The following PCDHGB3 variants were observed in gnomAD, a reference collection of about 807,000 sequenced individuals.
PCDHGB3 encodes the protein protocadherin gamma-B3.
In PCDHGB3, 40 loss-of-function variants were observed where a neutral mutation model predicts 59.2. The ratio of observed to expected loss-of-function variants is 0.68; its 90% CI spans 0.52 to 0.88. The LOEUF (loss-of-function observed/expected upper bound fraction) is 0.88. PCDHGB3 is among the 40% of genes least tolerant of loss of function. The pLI is 0.00. For missense variants in PCDHGB3, 1,309 were observed against 1,187.9 expected (o/e 1.10, Z -1.50); for synonymous variants, 581 against 503.6 (o/e 1.15, Z -2.06).
intron 1 of PCDHGB3, among the ~76,000 whole-genome samples, chr5:141,465,119 A>T (rs2099097382): frequency 6.6e-6 from 1 of 151,780 alleles, no homozygotes; most frequent in Non-Finnish European, 1.5e-5. Flanking sequence ...GTTTTAGCCT[A>T]AATTTGTAAA....
At chr5:141,415,688 T>A (rs373105795) in intron 1 of PCDHGB3, 395 of 1,545,880 alleles carry the variant, frequency 2.6e-4, no homozygotes, top group Non-Finnish European at 3.3e-4. Context: ...GGCATGATGG[T>A]GGAAAGTGTA....
At chr5:141,423,424 T>C in intron 1 of PCDHGB3, 1 of 1,614,004 alleles carries the variant, frequency 6.2e-7, no homozygotes, top group Non-Finnish European at 8.5e-7. Flanking sequence ...TGAAGGCGGG[T>C]TGGCAGGTAT....
chr5:141,430,619 A>G lies in PCDHGB3; in HGVS notation c.2415+57810A>G, dbSNP rs192473783. ...CGCCTGAAGCACAAAGCAGATAGCT[A>G]GGAATGAACCATCCCTGGGAGTATG... On this transcript the variant is annotated intron_variant, in intron 1 of 3. Coordinates refer to ENST00000576222, the MANE Select transcript of PCDHGB3 (RefSeq NM_018924.5). 9.4e-5 allele frequency: 68 copies of G among 720,190 alleles called. 1 individual carries two copies. The African/African-American group carries it at 1.1e-3, about 12-fold the overall frequency. 44.6% of individuals were successfully genotyped at this position (720,190 alleles called of 1,614,324 possible). A position where few individuals can be genotyped will look rare whatever the true frequency, so the allele number is the denominator to read the frequency against.
intron 1 of PCDHGB3, among the ~76,000 whole-genome samples, chr5:141,456,818 G>A (rs1214373156): frequency 1.3e-5 from 2 of 151,890 alleles, no homozygotes; most frequent in Admixed American, 6.6e-5. Context: ...CAAAAAATTA[G>A]CCATCGTGGT....
chr5:141,472,980 C>CAAAAAAAAAAAAAAAAAAAA (rs60579131), intron 1 of PCDHGB3, among the ~76,000 whole-genome samples: 7 of 86,088 alleles, frequency 8.1e-5, no homozygotes, highest in South Asian at 4.3e-4. Flanking sequence ...GAGTGAAACT[C>CAAAAAAAAAAAAAAAAAAAA]AAAAAAAAAA....
Position 141,505,488 on chromosome 5 carries a change from G to A in PCDHGB3, c.2563+7G>A. On this transcript the variant is annotated splice_region_variant and intron_variant, in intron 3 of 3. Transcript: ENST00000576222. Reference sequence around the variant, plus strand: ...ATCTTGGCGTCCGCCAGTGGTAAGTGGTGTCAGTGTGTGTATGGAAGAGTG... The same window carrying A: ...ATCTTGGCGTCCGCCAGTGGTAAGTAGTGTCAGTGTGTGTATGGAAGAGTG... The A allele has an allele frequency of 6.2e-7, 1 of 1,614,222 alleles. No individual in the cohort carries two copies. The highest frequency in any genetic ancestry group is 8.5e-7 in the Non-Finnish European group (1 of 1,180,018).
chr5:141,421,799 A>G (rs778353620), intron 1 of PCDHGB3: 1 of 1,613,860 alleles, frequency 6.2e-7, no homozygotes, highest in South Asian at 1.1e-5. Flanking sequence ...GATGGGGCCA[A>G]GAATCCAGAG....
At chr5:141,421,700 C>A (rs755518757) in intron 1 of PCDHGB3, 2 of 1,613,900 alleles carry the variant, frequency 1.2e-6, no homozygotes, top group Non-Finnish European at 1.7e-6. Flanking sequence ...CTTCCTAATG[C>A]TAGGGATCCA....
intron 1 of PCDHGB3, among the ~76,000 whole-genome samples, chr5:141,453,193 A>G (rs2098757675): frequency 6.6e-6 from 1 of 152,142 alleles, no homozygotes; most frequent in Admixed American, 6.5e-5. Context: ...AGCTCACTGC[A>G]GCCTCAACCT....
chr5:141,478,164 C>G lies in PCDHGB3; in HGVS notation c.2416-16643C>G, dbSNP rs202185809. On this transcript the variant is annotated intron_variant, in intron 1 of 3. Transcript: ENST00000576222. Reference sequence around the variant, plus strand: ...GCCGAGTTCCCCTCTGGCTCTGCCCCCCGGGAGCAGAAAAAAAATCTCACC... The same window carrying G: ...GCCGAGTTCCCCTCTGGCTCTGCCCGCCGGGAGCAGAAAAAAAATCTCACC... The G allele has an allele frequency of 1.0e-4, 167 of 1,613,890 alleles. No homozygotes were observed. Among genetic ancestry groups the G allele is most frequent in the Non-Finnish European group, 1.3e-4 (157 of 1,180,048 alleles).
intron 1 of PCDHGB3, chr5:141,395,898 GC>G (rs1337402820): frequency 6.6e-6 from 1 of 151,994 alleles, no homozygotes; most frequent in Non-Finnish European, 1.5e-5. Context: ...TGGGCTCCAT[GC>G]CCATGGAGAC....
intron 1 of PCDHGB3, chr5:141,428,217 C>A: frequency 8.3e-7 from 1 of 1,211,998 alleles, no homozygotes; most frequent in Non-Finnish European, 1.2e-6. Context: ...TTCACCTAGT[C>A]TTCGCAGACA....
chr5:141,486,985 T>C lies in PCDHGB3; in HGVS notation c.2416-7822T>C. On this transcript the variant is annotated intron_variant, in intron 1 of 3. Coordinates refer to ENST00000576222, the MANE Select transcript of PCDHGB3 (RefSeq NM_018924.5). The surrounding 1 kb of genome is among the most constrained non-coding windows in gnomAD (Gnocchi z 5.0). ...TGGACTTGGATTCAGGTTACAATGC[T>C]TGGGTTTCCTATCAGCTCCTGGAGG... 1 of 1,614,208 alleles carries C rather than the reference T, an allele frequency of 6.2e-7. No individual in the cohort carries two copies. The highest frequency in any genetic ancestry group is 8.5e-7 in the Non-Finnish European group (1 of 1,180,040).
intron 1 of PCDHGB3, among the ~76,000 whole-genome samples, chr5:141,456,464 A>T (rs1430885015): frequency 6.6e-6 from 1 of 152,192 alleles, no homozygotes; most frequent in Non-Finnish European, 1.5e-5. Flanking sequence ...TCAATACAAG[A>T]CATATAAGCA....
chr5:141,409,928 G>C (rs2095338081), intron 1 of PCDHGB3: 1 of 1,613,354 alleles, frequency 6.2e-7, no homozygotes, highest in Non-Finnish European at 8.5e-7. Context: ...CGCGTTCTTC[G>C]ATATGGTACC....
rs1258238617 is a variant in PCDHGB3, at chr5:141,409,461, T to A, written c.2415+36652T>A. On this transcript the variant is annotated intron_variant, in intron 1 of 3. Coordinates refer to ENST00000576222, the MANE Select transcript of PCDHGB3 (RefSeq NM_018924.5). ...CGAGAGCAGACACCAGAATACAATG[T>A]CACCATCGTAGCCACTGACAGGGGC... The A allele has an allele frequency of 5.0e-6, 8 of 1,613,928 alleles. No homozygotes were observed. In the Admixed American group the frequency reaches 1.3e-4, roughly 27 times the overall value.
At chr5:141,413,364 G>A (rs759265336) in intron 1 of PCDHGB3, 14 of 1,613,870 alleles carry the variant, frequency 8.7e-6, no homozygotes, top group African/African-American at 5.3e-5. Flanking sequence ...CCCGGGAGCT[G>A]GCGGAGCGCG....
At chr5:141,392,815 T>C (rs1361544072) in intron 1 of PCDHGB3, 8 of 1,586,560 alleles carry the variant, frequency 5.0e-6, no homozygotes, top group East Asian at 2.2e-5. Flanking sequence ...AAAACAACAA[T>C]GGCCGCTCCA....
chr5:141,431,020 G>A lies in PCDHGB3; in HGVS notation c.2415+58211G>A, dbSNP rs941765907. On this transcript the variant is annotated intron_variant, in intron 1 of 3. Transcript: ENST00000576222. This position sits in a 1 kb window ranked among gnomAD's most constrained non-coding sequence, Gnocchi z 4.8. ...CGCGCAGCGGCAGCTTGGTCACGGC[G>A]GGCAGGATAGACCGGGAGGAGCTCT... The A allele has an allele frequency of 9.9e-6, 16 of 1,614,050 alleles. No homozygotes were observed. Among genetic ancestry groups the A allele is most frequent in the East Asian group, 4.5e-5 (2 of 44,886 alleles).
Sources: gnomAD v4.1 joint callset for allele counts (sites outside exome capture counted in the v4.1 genomes callset) on GRCh38, gnomAD v4.1.1 for gene constraint, Gnocchi (gnomAD v3.1) non-coding constraint, MANE v1.5 for transcripts, NCBI Gene and HGNC (gene_info 2026-07-23, HGNC 2026-07-21) for gene names.